The following UBE2H variants were observed in gnomAD, a reference collection of about 807,000 sequenced individuals.
The protein encoded by UBE2H is ubiquitin conjugating enzyme E2 H.
In UBE2H, 3 loss-of-function variants were observed where a neutral mutation model predicts 29.0. The ratio of observed to expected loss-of-function variants is 0.10; its 90% CI spans 0.05 to 0.27. The LOEUF is 0.27. UBE2H is among the 10% of genes least tolerant of loss of function. UBE2H has a pLI of 1.00. For missense variants in UBE2H, 68 were observed against 228.2 expected, an observed-to-expected ratio of 0.30 and a Z score of 4.52; for synonymous variants, 69 against 82.9, an observed-to-expected ratio of 0.83 and a Z score of 0.91.
chr7:129,890,330 C>T (rs1048880452), intron 1 of UBE2H, among the ~76,000 whole-genome samples: 6 of 150,802 alleles, frequency 4.0e-5, no homozygotes, highest in African/African-American at 1.2e-4. Flanking sequence ...TGTATATATA[C>T]GTGTGTATAT....
At chr7:129,909,191 A>T (rs1806879474) in intron 1 of UBE2H, among the ~76,000 whole-genome samples, 1 of 152,196 alleles carries the variant, frequency 6.6e-6, no homozygotes, top group Admixed American at 6.5e-5. Flanking sequence ...ATCATAAAGA[A>T]CTATGTAATA....
intron 1 of UBE2H, among the ~76,000 whole-genome samples, chr7:129,895,099 T>TCAGGAAATTA (rs1213283943): frequency 3.9e-5 from 6 of 152,232 alleles, no homozygotes; most frequent in Non-Finnish European, 7.3e-5. Flanking sequence ...TTTTCTGCTC[T>TCAGGAAATTA]CAGGAAATTA....
intron 1 of UBE2H, among the ~76,000 whole-genome samples, chr7:129,928,933 T>C (rs1179995866): frequency 6.6e-6 from 1 of 152,226 alleles, no homozygotes; most frequent in Non-Finnish European, 1.5e-5. Context: ...CTAGTTTTCT[T>C]GCTTGAAATA....
At chr7:129,856,750 CA>C (rs1198496896) in intron 5 of UBE2H, among the ~76,000 whole-genome samples, 4 of 152,170 alleles carry the variant, frequency 2.6e-5, no homozygotes, top group Non-Finnish European at 5.9e-5. Context: ...GGTCCATTCA[CA>C]TGTGGTTTTC....
At chr7:129,869,308 C>T (rs1018844348) in intron 3 of UBE2H, among the ~76,000 whole-genome samples, 1 of 152,158 alleles carries the variant, frequency 6.6e-6, no homozygotes, top group Admixed American at 6.5e-5. Flanking sequence ...ATACCCTGAC[C>T]TTTGTCATTC....
chr7:129,916,953 C>T (rs956104035), intron 1 of UBE2H, among the ~76,000 whole-genome samples: 2 of 150,542 alleles, frequency 1.3e-5, no homozygotes, highest in African/African-American at 2.5e-5. Flanking sequence ...AGGAGAATGG[C>T]GTGAACCTGG....
chr7:129,857,480 T>C lies in UBE2H; in HGVS notation c.298+31A>G, dbSNP rs1446940709. ...CATTTTTTTAGGCAATGTCTCAACA[T>C]CTCCAAAAAATATTCCATGGCCAAA... On this transcript the variant is annotated intron_variant, in intron 5 of 6. Transcript: ENST00000355621. 1.9e-6 allele frequency: 3 copies of C among 1,597,274 alleles called. No individual in the cohort carries two copies. In the East Asian group the frequency reaches 6.8e-5, roughly 36 times the overall value.
intron 6 of UBE2H, among the ~76,000 whole-genome samples, chr7:129,836,362 G>C (rs995704530): frequency 1.3e-5 from 2 of 152,096 alleles, no homozygotes; most frequent in African/African-American, 4.8e-5. Flanking sequence ...CTTTGAGAGA[G>C]AGAAAGGAAG....
At chr7:129,902,933 G>C (rs1056330477) in intron 1 of UBE2H, among the ~76,000 whole-genome samples, 1 of 152,212 alleles carries the variant, frequency 6.6e-6, no homozygotes, top group Non-Finnish European at 1.5e-5. Context: ...TATCATGCAA[G>C]TATTGTTTCC....
intron 1 of UBE2H, among the ~76,000 whole-genome samples, chr7:129,891,810 CA>C (rs60595166): frequency 0.71 from 103,029 of 145,586 alleles, 35,990 homozygotes; most frequent in Admixed American, 0.74. Flanking sequence ...AAAACAAAAA[CA>C]AAAAAAAAAA....
chr7:129,864,995 T>C (rs936887778), intron 3 of UBE2H: 2 of 406,106 alleles, frequency 4.9e-6, no homozygotes, highest in Non-Finnish European at 9.8e-6. Context: ...CAGGAATAAA[T>C]GTCCAGCTAA....
At chr7:129,890,897 G>A (rs538592741) in intron 1 of UBE2H, among the ~76,000 whole-genome samples, 1 of 152,202 alleles carries the variant, frequency 6.6e-6, no homozygotes, top group East Asian at 2.0e-4. Flanking sequence ...CACTTTGGGA[G>A]GCCAAGGCGG....
chr7:129,835,123 C>A, intron 6 of UBE2H, 62 bp from the exon 7 acceptor site: 2 of 1,604,994 alleles, frequency 1.2e-6, no homozygotes, highest in African/African-American at 2.7e-5. Context: ...CTTTGGCGAC[C>A]CCAAAAAGCT....
intron 1 of UBE2H, among the ~76,000 whole-genome samples, chr7:129,942,612 T>C (rs1465625589): frequency 2.0e-5 from 3 of 152,190 alleles, no homozygotes; most frequent in South Asian, 2.1e-4. Context: ...CATGTGAAAA[T>C]TGAAGATATT....
intron 3 of UBE2H, among the ~76,000 whole-genome samples, chr7:129,873,484 G>C (rs1186423967): frequency 6.7e-6 from 1 of 148,318 alleles, no homozygotes; most frequent in African/African-American, 2.5e-5. Flanking sequence ...ACCCAGGCTG[G>C]AGTGCAGTGA....
chr7:129,873,575 A>C (rs1806087119), intron 3 of UBE2H, among the ~76,000 whole-genome samples: 1 of 149,192 alleles, frequency 6.7e-6, no homozygotes, highest in Non-Finnish European at 1.5e-5. Flanking sequence ...GCTGGAACTA[A>C]AGGTATACAC....
chr7:129,944,772 G>A (rs78845264), intron 1 of UBE2H, among the ~76,000 whole-genome samples: 3,243 of 148,832 alleles, frequency 0.022, 47 homozygotes, highest in Admixed American at 0.036. Flanking sequence ...ACGCGCATGC[G>A]CAAACCCTAC....
Position 129,839,294 on chromosome 7 carries a change from C to T in UBE2H, c.340G>A (p.Ala114Thr). 1 of 1,613,746 alleles carries T rather than the reference C, an allele frequency of 6.2e-7. No homozygotes were observed. Reference protein sequence around the residue: ...IFESFLPQLLAYPNPIDPLNG... With the variant: ...IFESFLPQLLTYPNPIDPLNG... Reference sequence around the variant, plus strand: ...AGAGGATCTATGGGGTTAGGATAGGCCAATAACTGAGGCAGGAAGGACTCA... The same window carrying T: ...AGAGGATCTATGGGGTTAGGATAGGTCAATAACTGAGGCAGGAAGGACTCA... Residue 114 changes from alanine to threonine, a missense_variant, in exon 6 of 7, where the codon GCC becomes ACC. Coordinates refer to ENST00000355621, the MANE Select transcript of UBE2H (RefSeq NM_003344.4).
At chr7:129,932,773 CAAAAA>C (rs1208871059) in intron 1 of UBE2H, among the ~76,000 whole-genome samples, 3 of 33,210 alleles carry the variant, frequency 9.0e-5, no homozygotes, top group African/African-American at 2.5e-4. Flanking sequence ...GACTCCGTCT[CAAAAA>C]AAAAAAAAAA....
Sources: gnomAD v4.1 joint callset for allele counts (sites outside exome capture counted in the v4.1 genomes callset) on GRCh38, gnomAD v4.1.1 for gene constraint, MANE v1.5 for transcripts, NCBI Gene and HGNC (gene_info 2026-07-23, HGNC 2026-07-21) for gene names.